Variants in PDE12 observed in about 807,000 individuals in gnomAD.
PDE12 encodes phosphodiesterase 12, also known as 2',5'-phosphodiesterase 12.
Under a neutral mutation model 45.4 loss-of-function variants are expected in PDE12, and 26 were observed. The observed-to-expected ratio is 0.57, with a 90% CI of 0.42 to 0.79. PDE12 has a LOEUF of 0.79. Ranked by LOEUF, PDE12 falls within the 30% of genes least tolerant of loss-of-function variation. The pLI, the probability that PDE12 is intolerant of heterozygous loss-of-function variation, is 0.00. For missense variants in PDE12, 668 were observed against 790.0 expected (o/e 0.85, Z 1.85); for synonymous variants, 283 against 323.9 (o/e 0.87, Z 1.36).
chr3:57,581,410 G>A, the PDE12 span, among the ~76,000 whole-genome samples: 1 of 152,152 alleles, frequency 6.6e-6, no homozygotes, highest in Non-Finnish European at 1.5e-5. Context: ...AAATTACAAA[G>A]CATTCTAAAC....
the PDE12 span, among the ~76,000 whole-genome samples, chr3:57,637,753 A>C: frequency 7.0e-6 from 1 of 142,326 alleles, no homozygotes; most frequent in Non-Finnish European, 1.5e-5. Flanking sequence ...CAAAGAAAAA[A>C]TAAATAAGAC....
At chr3:57,601,563 G>A in the PDE12 span, among the ~76,000 whole-genome samples, 1 of 152,210 alleles carries the variant, frequency 6.6e-6, no homozygotes, top group African/African-American at 2.4e-5. Flanking sequence ...TGTGGAACCT[G>A]CAGATGCAGA....
rs978437808 is a variant in PDE12, at chr3:57,557,032, C to T, written c.653C>T (p.Pro218Leu). The part of the protein sequence containing the change: ...PEVGVPSSLS[P>L]SSPSSSWTET... ...GTCGGTGTCCCCTCGTCATTGTCTC[C>T]CTCCTCACCTTCTTCTTCTTGGACT... The change falls in exon 1 of 3, where the codon CCC (proline) becomes CTC (leucine). Residue 218 changes from proline to leucine, a missense_variant. Transcript: ENST00000311180. The T allele has an allele frequency of 8.7e-6, 14 of 1,613,954 alleles. No homozygotes were observed. Among genetic ancestry groups the T allele is most frequent in the East Asian group, 2.2e-5 (1 of 44,870 alleles).
chr3:57,614,541 TTTG>T, the PDE12 span, among the ~76,000 whole-genome samples: 1 of 122,082 alleles, frequency 8.2e-6, no homozygotes. Flanking sequence ...TTTTTTGTTT[TTTG>T]TTTTTTTTTT....
At chr3:57,640,823 C>T in the PDE12 span, among the ~76,000 whole-genome samples, 4 of 152,166 alleles carry the variant, frequency 2.6e-5, no homozygotes, top group Middle Eastern at 3.4e-3. Context: ...TCTTCTCATA[C>T]GCAAGACTCA....
chr3:57,583,628 C>T, the PDE12 span, among the ~76,000 whole-genome samples: 1 of 152,078 alleles, frequency 6.6e-6, no homozygotes, highest in Non-Finnish European at 1.5e-5. Context: ...CAAAGAACTA[C>T]GGATAAGAGA....
At chr3:57,570,536 A>G (rs1400410952), downstream of PDE12, among the ~76,000 whole-genome samples, 5 of 152,016 alleles carry the variant, frequency 3.3e-5, no homozygotes, top group Admixed American at 3.3e-4. Flanking sequence ...TTATTTGACA[A>G]TTCAAAAATA....
chr3:57,593,120 C>G, the PDE12 span, among the ~76,000 whole-genome samples: 24 of 152,222 alleles, frequency 1.6e-4, no homozygotes, highest in African/African-American at 5.8e-4. Flanking sequence ...GGAGGGATTG[C>G]TTGAATCCAG....
At chr3:57,637,889 A>C in the PDE12 span, among the ~76,000 whole-genome samples, 1 of 152,064 alleles carries the variant, frequency 6.6e-6, no homozygotes, top group African/African-American at 2.4e-5. Context: ...TAACCCCAGC[A>C]CTTTGGGAGG....
chr3:57,614,530 TTTTTTTG>T, the PDE12 span, among the ~76,000 whole-genome samples: 15 of 134,650 alleles, frequency 1.1e-4, no homozygotes, highest in African/African-American at 2.7e-4. Flanking sequence ...TCCGTTTTTT[TTTTTTTG>T]TTTTTTGTTT....
At chr3:57,613,666 C>T in the PDE12 span, among the ~76,000 whole-genome samples, 11 of 151,590 alleles carry the variant, frequency 7.3e-5, no homozygotes, top group East Asian at 6.0e-4. Flanking sequence ...TTTTGGAGGC[C>T]GAGGAGGGCG....
the PDE12 span, among the ~76,000 whole-genome samples, chr3:57,611,048 A>G: frequency 1.3e-5 from 2 of 152,140 alleles, no homozygotes; most frequent in Non-Finnish European, 2.9e-5. Flanking sequence ...ATATAGACCA[A>G]TGGAACAGAA....
chr3:57,631,815 T>C, the PDE12 span, among the ~76,000 whole-genome samples: 2 of 143,468 alleles, frequency 1.4e-5, no homozygotes, highest in Non-Finnish European at 3.0e-5. Context: ...CTCTGCCTCT[T>C]GGGTTCATGC....
At chr3:57,599,439 T>C in the PDE12 span, among the ~76,000 whole-genome samples, 2 of 152,344 alleles carry the variant, frequency 1.3e-5, no homozygotes, top group African/African-American at 4.8e-5. Flanking sequence ...TTTTTAGTTT[T>C]ATATAGTAGA....
chr3:57,594,553 T>C, the PDE12 span, among the ~76,000 whole-genome samples: 5 of 152,264 alleles, frequency 3.3e-5, no homozygotes, highest in Non-Finnish European at 7.3e-5. Flanking sequence ...TAACTTCCAA[T>C]ATCTTTTAAA....
the PDE12 span, among the ~76,000 whole-genome samples, chr3:57,611,116 AAAAC>A: frequency 1.3e-5 from 2 of 152,302 alleles, no homozygotes; most frequent in African/African-American, 4.8e-5. Context: ...AAACCTGACA[AAAAC>A]AAGAAATGGA....
chr3:57,570,837 A>T (rs1559781084), downstream of PDE12, among the ~76,000 whole-genome samples: 1 of 152,154 alleles, frequency 6.6e-6, no homozygotes. Context: ...TTGGCCATAC[A>T]AGTAGCACCT....
the PDE12 span, among the ~76,000 whole-genome samples, chr3:57,589,820 C>T: frequency 6.6e-6 from 1 of 151,910 alleles, no homozygotes; most frequent in African/African-American, 2.4e-5. Flanking sequence ...CAGCCGGGCA[C>T]GGTGGCTCAC....
At chr3:57,597,226 A>T in the PDE12 span, 1 of 1,308,890 alleles carries the variant, frequency 7.6e-7, no homozygotes, top group Non-Finnish European at 1.1e-6. Flanking sequence ...CAGGCAAACT[A>T]AACGAGAGGG....
Sources: gnomAD v4.1 joint callset for allele counts (sites outside exome capture counted in the v4.1 genomes callset) on GRCh38, gnomAD v4.1.1 for gene constraint, MANE v1.5 for transcripts, NCBI Gene and HGNC (gene_info 2026-07-23, HGNC 2026-07-21) for gene names.